RGS6: variants seen among roughly 807,000 people sequenced by gnomAD.
RGS6 encodes regulator of G protein signaling 6, also known as regulator of G-protein signaling 6.
In RGS6, 30 loss-of-function variants were observed where a neutral mutation model predicts 78.5. The observed-to-expected ratio is 0.38, with a 90% CI of 0.29 to 0.52. The LOEUF (loss-of-function observed/expected upper bound fraction) is 0.52. Among genes scored for constraint, RGS6 ranks in the 20% least tolerant of loss-of-function variants. The pLI, the probability that RGS6 is intolerant of heterozygous loss-of-function variation, is 0.85. For missense variants in RGS6, 495 were observed against 609.7 expected (o/e 0.81, Z 1.98); for synonymous variants, 206 against 206.0 (o/e 1.00, Z 0.00).
At chr14:72,438,384 C>T (rs1458758394) in intron 3 of RGS6, among the ~76,000 whole-genome samples, 3 of 152,110 alleles carry the variant, frequency 2.0e-5, no homozygotes, top group Non-Finnish European at 4.4e-5. Context: ...ATACTATCTC[C>T]AGCCAGCTCT....
intron 2 of RGS6, among the ~76,000 whole-genome samples, chr14:71,968,120 G>A (rs963302963): frequency 6.6e-6 from 1 of 152,146 alleles, no homozygotes; most frequent in Non-Finnish European, 1.5e-5. Context: ...ACCCAGACCT[G>A]TTAACCTTTT....
chr14:72,587,431 G>A, the RGS6 span, among the ~76,000 whole-genome samples: 1 of 152,160 alleles, frequency 6.6e-6, no homozygotes, highest in Non-Finnish European at 1.5e-5. Flanking sequence ...AATGAGGTGG[G>A]TCCAGGGGGT....
At chr14:72,194,462 CT>C (rs34042493) in intron 2 of RGS6, among the ~76,000 whole-genome samples, 104,079 of 144,128 alleles carry the variant, frequency 0.72, 35,879 homozygotes, top group East Asian at 0.85. Context: ...TCTCAAGCTC[CT>C]TGGGCTCAAG....
intron 2 of RGS6, among the ~76,000 whole-genome samples, chr14:72,263,245 G>A (rs1358730832): frequency 6.6e-6 from 1 of 152,168 alleles, no homozygotes; most frequent in Non-Finnish European, 1.5e-5. Flanking sequence ...GTCCAGAGAA[G>A]GTCCAAATTA....
intron 2 of RGS6, among the ~76,000 whole-genome samples, chr14:72,323,759 C>T (rs1394245459): frequency 8.0e-6 from 1 of 124,258 alleles, no homozygotes; most frequent in Non-Finnish European, 1.6e-5. Context: ...CCCAGCGGCG[C>T]CACTGCACTC....
intron 2 of RGS6, among the ~76,000 whole-genome samples, chr14:71,986,526 C>A (rs956493861): frequency 1.3e-5 from 2 of 151,658 alleles, no homozygotes; most frequent in Non-Finnish European, 2.9e-5. Context: ...CATGATGAGA[C>A]CCCATCTCTA....
chr14:72,116,290 T>C (rs1374148760), intron 2 of RGS6, among the ~76,000 whole-genome samples: 3 of 152,156 alleles, frequency 2.0e-5, no homozygotes. Flanking sequence ...GATGAGCATC[T>C]ACCATGTGGC....
At chr14:72,269,919 C>T (rs186450209) in intron 2 of RGS6, among the ~76,000 whole-genome samples, 73 of 152,252 alleles carry the variant, frequency 4.8e-4, no homozygotes, top group African/African-American at 1.6e-3. Context: ...GTAAACAATT[C>T]TCCCAGGAAA....
chr14:72,215,048 TAG>T (rs542749186), intron 2 of RGS6, among the ~76,000 whole-genome samples: 4 of 152,338 alleles, frequency 2.6e-5, no homozygotes, highest in African/African-American at 9.6e-5. Flanking sequence ...GCCTTTCCTT[TAG>T]TGAGTTCCAG....
the RGS6 span, among the ~76,000 whole-genome samples, chr14:72,596,852 C>T: frequency 6.6e-6 from 1 of 152,192 alleles, no homozygotes; most frequent in East Asian, 1.9e-4. Context: ...CCAGCTCTGC[C>T]TGGTATTAGC....
the RGS6 span, among the ~76,000 whole-genome samples, chr14:72,575,623 G>T: frequency 3.9e-5 from 6 of 152,122 alleles, no homozygotes; most frequent in Admixed American, 3.9e-4. Context: ...CATCAGTTCC[G>T]CAAATAACGT....
chr14:72,556,070 C>T (rs989319417), intron 17 of RGS6, among the ~76,000 whole-genome samples: 4 of 152,080 alleles, frequency 2.6e-5, no homozygotes, highest in Admixed American at 2.6e-4. Context: ...GATAGGAGAA[C>T]TGGCAACTCT....
chr14:71,888,401 C>A, the RGS6 span, among the ~76,000 whole-genome samples: 71 of 143,802 alleles, frequency 4.9e-4, no homozygotes, highest in African/African-American at 1.8e-3. Flanking sequence ...CTGGGCAACA[C>A]AGCAAAAGCT....
In RGS6 at chr14:72,564,754, C is replaced by G. The variant is rs2153558771; in HGVS notation, c.*2287C>G. On this transcript the variant is annotated 3_prime_UTR_variant, in exon 18 of 18. Coordinates refer to ENST00000553525, the MANE Select transcript of RGS6 (RefSeq NM_001204424.2). ...CTCACCCTGGAGATCCCCAGAGGAT[C>G]TGACCAGAGCCAGGTGGACTGTGGC... The G allele has an allele frequency of 6.6e-6, 1 of 152,470 alleles. No homozygotes were observed. The highest frequency in any genetic ancestry group is 1.9e-4 in the East Asian group (1 of 5,180). The allele number at this position is 152,470 out of a possible 1,614,324, so 9.4% of individuals were successfully genotyped here. A position where few individuals can be genotyped will look rare whatever the true frequency, so the allele number is the denominator to read the frequency against.
At chr14:72,394,149 C>T (rs183479980) in intron 3 of RGS6, among the ~76,000 whole-genome samples, 26 of 152,162 alleles carry the variant, frequency 1.7e-4, no homozygotes, top group East Asian at 5.8e-4. Flanking sequence ...CCGTAAGCGT[C>T]GGCCGGTCTG....
intron 2 of RGS6, among the ~76,000 whole-genome samples, chr14:72,112,974 T>C (rs189487468): frequency 1.1e-3 from 171 of 152,346 alleles, no homozygotes; most frequent in African/African-American, 4.0e-3. Flanking sequence ...CTCTTATGGG[T>C]TGTCCCACTT....
intron 2 of RGS6, among the ~76,000 whole-genome samples, chr14:72,033,184 A>G (rs1194586607): frequency 2.0e-5 from 3 of 152,208 alleles, no homozygotes; most frequent in Non-Finnish European, 4.4e-5. Context: ...CATATAATTT[A>G]TTAAATACTG....
chr14:72,505,056 G>A lies in RGS6; in HGVS notation c.966-5098G>A, dbSNP rs374741735. Reference sequence around the variant, plus strand: ...CTCACAAAGTGCTGGGATTACAGGCGTGAGCCACTGCACCCAGCCAATTTA... The same window carrying A: ...CTCACAAAGTGCTGGGATTACAGGCATGAGCCACTGCACCCAGCCAATTTA... On this transcript the variant is annotated intron_variant, in intron 13 of 17. Transcript: ENST00000553525. 2.0e-4 allele frequency among the ~76,000 whole-genome samples: 30 copies of A among 150,888 alleles called. No homozygotes were observed. The South Asian group carries it at 3.4e-3, about 17-fold the overall frequency.
At chr14:72,226,784 C>A (rs900937151) in intron 2 of RGS6, among the ~76,000 whole-genome samples, 2 of 152,256 alleles carry the variant, frequency 1.3e-5, no homozygotes, top group Admixed American at 6.5e-5. Flanking sequence ...CTCACTGCAA[C>A]CTCCACCTCC....
Sources: gnomAD v4.1 joint callset for allele counts (sites outside exome capture counted in the v4.1 genomes callset) on GRCh38, gnomAD v4.1.1 for gene constraint, MANE v1.5 for transcripts, NCBI Gene and HGNC (gene_info 2026-07-23, HGNC 2026-07-21) for gene names.